The following PLXDC2 variants were observed in gnomAD, a reference collection of about 807,000 sequenced individuals.
PLXDC2 encodes the protein plexin domain containing 2.
PLXDC2 carries 40 observed loss-of-function variants against 68.9 expected under a neutral mutation model. The ratio of observed to expected loss-of-function variants is 0.58; its 90% CI spans 0.45 to 0.76. PLXDC2 has a LOEUF of 0.76. Among genes scored for constraint, PLXDC2 ranks in the 30% least tolerant of loss-of-function variants. The pLI is 0.00. For missense variants in PLXDC2, 644 were observed against 661.9 expected, an observed-to-expected ratio of 0.97 and a Z score of 0.30; for synonymous variants, 243 against 234.2, an observed-to-expected ratio of 1.04 and a Z score of -0.34.
chr10:20,234,829 A>G (rs781088772), intron 12 of PLXDC2, among the ~76,000 whole-genome samples: 6 of 152,152 alleles, frequency 3.9e-5, no homozygotes, highest in Non-Finnish European at 8.8e-5. Flanking sequence ...ATCAGTGTCT[A>G]AGGTTCCAGT....
chr10:20,041,907 C>G (rs1246271266), intron 2 of PLXDC2, among the ~76,000 whole-genome samples: 1 of 152,118 alleles, frequency 6.6e-6, no homozygotes, highest in Non-Finnish European at 1.5e-5. Context: ...TACAAGGACA[C>G]TAATCCTATT....
At chr10:20,083,824 A>G (rs1833148392) in intron 4 of PLXDC2, among the ~76,000 whole-genome samples, 1 of 152,214 alleles carries the variant, frequency 6.6e-6, no homozygotes, top group Non-Finnish European at 1.5e-5. Context: ...ACACTAGTTT[A>G]TTACATTCAA....
In PLXDC2 at chr10:20,177,643, G is replaced by A. The variant is rs377043785; in HGVS notation, c.1061+234G>A. 5.9e-5 allele frequency among the ~76,000 whole-genome samples: 9 copies of A among 151,926 alleles called. No individual in the cohort carries two copies. In the East Asian group the frequency reaches 1.4e-3, roughly 23 times the overall value. The stretch of plus-strand genomic sequence containing the variant: ...AATTAACTGGGCATGGCAGGTGCGT[G>A]CCTGTAGTCTCAGCACTTTGGGAGG... On this transcript the variant is annotated intron_variant, in intron 9 of 13. Coordinates refer to ENST00000377252, the MANE Select transcript of PLXDC2 (RefSeq NM_032812.9).
intron 1 of PLXDC2, among the ~76,000 whole-genome samples, chr10:19,968,501 T>TG (rs1834301308): frequency 6.6e-6 from 1 of 152,032 alleles, no homozygotes; most frequent in Non-Finnish European, 1.5e-5. Context: ...TTAGTAGAGA[T>TG]GGGGGTCTCA....
At chr10:19,821,162 CTCTTCTCCATGG>C (rs1057418440) in intron 1 of PLXDC2, among the ~76,000 whole-genome samples, 14 of 152,208 alleles carry the variant, frequency 9.2e-5, no homozygotes, top group African/African-American at 3.4e-4. Flanking sequence ...TTAATACAGT[CTCTTCTCCATGG>C]TCTTCAAGGC....
intron 1 of PLXDC2, among the ~76,000 whole-genome samples, chr10:19,930,270 A>G (rs180734922): frequency 1.3e-4 from 20 of 152,272 alleles, no homozygotes; most frequent in Admixed American, 7.8e-4. Flanking sequence ...GAAACAGTAG[A>G]ACTTCAGTAG....
intron 13 of PLXDC2, among the ~76,000 whole-genome samples, chr10:20,252,327 C>A (rs987821916): frequency 6.6e-6 from 1 of 152,120 alleles, no homozygotes; most frequent in African/African-American, 2.4e-5. Flanking sequence ...ATGTCAATAT[C>A]TCATCAATAA....
chr10:19,956,203 C>T (rs543847121), intron 1 of PLXDC2, among the ~76,000 whole-genome samples: 2 of 152,174 alleles, frequency 1.3e-5, no homozygotes, highest in South Asian at 4.2e-4. Flanking sequence ...TTGAAACAAT[C>T]CCTTTTACAT....
At chr10:19,900,831 C>T (rs1265351985) in intron 1 of PLXDC2, among the ~76,000 whole-genome samples, 2 of 151,800 alleles carry the variant, frequency 1.3e-5, no homozygotes, top group Non-Finnish European at 2.9e-5. Context: ...GCTTAGCTCC[C>T]ACTTATGAGT....
intron 1 of PLXDC2, among the ~76,000 whole-genome samples, chr10:19,966,368 TA>T (rs1219206054): frequency 1.5e-5 from 2 of 133,898 alleles, no homozygotes; most frequent in Non-Finnish European, 3.3e-5. Context: ...TACACATATA[TA>T]AAAAATATAT....
intron 2 of PLXDC2, among the ~76,000 whole-genome samples, chr10:20,006,334 T>A (rs1292179322): frequency 6.6e-6 from 1 of 152,246 alleles, no homozygotes; most frequent in African/African-American, 2.4e-5. Context: ...CTTGCTTATC[T>A]TTTTGGTTTA....
rs1345484402 is a variant in PLXDC2, at chr10:19,817,276, C to A, written c.112+85C>A. The stretch of plus-strand genomic sequence containing the variant: ...TCTCGTGCTCCCTACCCTCTCCCCC[C>A]AACATCACCTATCTGCCCTTGGGAA... On this transcript the variant is annotated intron_variant, in intron 1 of 13. Coordinates refer to ENST00000377252, the MANE Select transcript of PLXDC2 (RefSeq NM_032812.9). 2.7e-6 allele frequency: 3 copies of A among 1,092,560 alleles called. No individual in the cohort carries two copies. The African/African-American group carries it at 4.7e-5, about 17-fold the overall frequency. The allele number at this position is 1,092,560 out of a possible 1,614,324, so 67.7% of individuals were successfully genotyped here. A position where few individuals can be genotyped will look rare whatever the true frequency, so the allele number is the denominator to read the frequency against.
intron 1 of PLXDC2, among the ~76,000 whole-genome samples, chr10:19,961,796 G>C (rs1402705175): frequency 1.3e-5 from 2 of 152,172 alleles, no homozygotes; most frequent in African/African-American, 4.8e-5. Flanking sequence ...CTCAACTTCT[G>C]AATTGAAGCT....
chr10:19,984,816 C>G (rs1220972465), intron 1 of PLXDC2, among the ~76,000 whole-genome samples: 1 of 152,108 alleles, frequency 6.6e-6, no homozygotes, highest in Non-Finnish European at 1.5e-5. Flanking sequence ...TCTTCAGGAA[C>G]ACCATGTGAT....
Position 19,817,093 on chromosome 10 carries a change from C to A in PLXDC2, c.14C>A (p.Pro5Gln). 3 of 1,555,314 alleles carry A rather than the reference C, an allele frequency of 1.9e-6. No homozygotes were observed. Among genetic ancestry groups the A allele is most frequent in the East Asian group, 2.4e-5 (1 of 41,130 alleles). Residue 5 changes from proline to glutamine, a missense_variant, in exon 1 of 14, where the codon CCG becomes CAG. By Grantham distance (76) the Pro-to-Gln change is moderately conservative. This residue lies in a region of PLXDC2 where 201 missense variants were observed against 166.9 expected (regional missense o/e 1.20). Transcript: ENST00000377252. MARF[P>Q]KADLAAAGVM... is the part of the protein sequence containing the mutation. ...GGCGGCGGCGGCATGGCGAGGTTCC[C>A]GAAGGCCGACCTGGCCGCTGCAGGA...
chr10:20,053,531 T>G (rs893844840), intron 3 of PLXDC2, among the ~76,000 whole-genome samples: 3 of 152,150 alleles, frequency 2.0e-5, no homozygotes, highest in African/African-American at 7.2e-5. Flanking sequence ...GAAACCAGCC[T>G]GGACTTGTTC....
chr10:19,953,413 G>A (rs1333967286), intron 1 of PLXDC2, among the ~76,000 whole-genome samples: 1 of 152,226 alleles, frequency 6.6e-6, no homozygotes, highest in East Asian at 1.9e-4. Flanking sequence ...GAGTGTGTAA[G>A]TTCACACGTG....
chr10:20,158,343 T>C (rs1038634637), intron 6 of PLXDC2, among the ~76,000 whole-genome samples: 1 of 152,076 alleles, frequency 6.6e-6, no homozygotes, highest in African/African-American at 2.4e-5. Context: ...ATTCTTGTGC[T>C]AATTTGCCCA....
intron 6 of PLXDC2, among the ~76,000 whole-genome samples, chr10:20,150,566 T>C (rs1036192183): frequency 1.3e-5 from 2 of 152,236 alleles, no homozygotes; most frequent in Non-Finnish European, 2.9e-5. Context: ...CTAGTTTTCA[T>C]TGCAATCTAG....
Sources: gnomAD v4.1 joint callset for allele counts (sites outside exome capture counted in the v4.1 genomes callset) on GRCh38, gnomAD v4.1.1 for gene constraint, gnomAD v4.1.1 regional missense constraint, MANE v1.5 for transcripts, NCBI Gene and HGNC (gene_info 2026-07-23, HGNC 2026-07-21) for gene names.